The following ZDHHC2 variants were observed in gnomAD, a reference collection of about 807,000 sequenced individuals.
ZDHHC2 encodes zDHHC palmitoyltransferase 2.
In ZDHHC2, 51 loss-of-function variants were observed where a neutral mutation model predicts 55.6. The ratio of observed to expected loss-of-function variants is 0.92; its 90% CI spans 0.73 to 1.16. The LOEUF (loss-of-function observed/expected upper bound fraction) is 1.16. Ranked by LOEUF, ZDHHC2 falls within the 50% of genes most tolerant of loss-of-function variation. The pLI is 0.00. For synonymous variants in ZDHHC2, 199 were observed against 152.9 expected (o/e 1.30, Z -2.22); for missense variants, 491 against 442.4 (o/e 1.11, Z -0.99).
chr8:17,195,954 A>G (rs1806285909), intron 4 of ZDHHC2, among the ~76,000 whole-genome samples: 1 of 152,198 alleles, frequency 6.6e-6, no homozygotes, highest in African/African-American at 2.4e-5. Context: ...AGACTTTCCT[A>G]TTTATATTTA....
At position 17,178,550 on chromosome 8, in the gene ZDHHC2, T is replaced by C. The variant is rs114924702; in HGVS notation, c.131-6239T>C. On this transcript the variant is annotated intron_variant, in intron 1 of 12. Transcript: ENST00000262096. ...CTGTCTCAGCTACCTAACTCTGTCA[T>C]TGTAGCACATAAGTAGCCATGTAAG... is the stretch of plus-strand genomic sequence containing the variant. Among the ~76,000 whole-genome samples, 724 of 152,336 alleles carry C rather than the reference T, an allele frequency of 4.8e-3. 7 individuals carry two copies. Among genetic ancestry groups the C allele is most frequent in the African/African-American group, 0.016 (684 of 41,570 alleles).
At chr8:17,176,266 G>T (rs1805126244) in intron 1 of ZDHHC2, among the ~76,000 whole-genome samples, 1 of 152,162 alleles carries the variant, frequency 6.6e-6, no homozygotes, top group African/African-American at 2.4e-5. Flanking sequence ...GGACTGGCTT[G>T]TATGTTAACT....
In ZDHHC2 at chr8:17,198,381, A is replaced by G. The variant is rs377748901; in HGVS notation, c.444A>G (p.Lys148=). ...DRCHHCSVCD[K]CILKMDHHCP... ...TTTTGTGTTCTGCTTTGTTTTTTAG[A>G]TGTATTTTGAAGATGGATCATCATT... The change falls in exon 6 of 13, where the codon AAA becomes AAG. Residue 148 remains lysine, a splice_region_variant and synonymous_variant. Coordinates refer to ENST00000262096, the MANE Select transcript of ZDHHC2 (RefSeq NM_016353.5). The G allele has an allele frequency of 4.4e-6, 7 of 1,601,376 alleles. No homozygotes were observed. The highest frequency in any genetic ancestry group is 1.3e-5 in the African/African-American group (1 of 74,506).
intron 1 of ZDHHC2, chr8:17,162,770 G>C (rs1254052974): frequency 6.6e-6 from 1 of 152,338 alleles, no homozygotes; most frequent in East Asian, 1.9e-4. Context: ...TTCCACAGCA[G>C]AGTGGTAGGA....
chr8:17,186,490 AGAAC>A lies in ZDHHC2; in HGVS notation c.252+69_252+72del. The A allele has an allele frequency of 5.2e-6, 5 of 960,984 alleles. No homozygotes were observed. The South Asian group carries it at 1.1e-4, about 21-fold the overall frequency. The allele number at this position is 960,984 out of a possible 1,614,324, so 59.5% of individuals were successfully genotyped here. On this transcript the variant is annotated intron_variant, in intron 3 of 12. Coordinates refer to ENST00000262096, the MANE Select transcript of ZDHHC2 (RefSeq NM_016353.5). ...ATCAATAATACTGATGTATTATTGA[AGAAC>A]GAATTTTATTTTAATGTTGCAAACT... is the stretch of plus-strand genomic sequence containing the variant.
chr8:17,207,846 A>G (rs1807182337), intron 7 of ZDHHC2, 114 bp from the exon 8 acceptor site: 4 of 865,218 alleles, frequency 4.6e-6, no homozygotes, highest in Non-Finnish European at 6.1e-6. Context: ...ATTTTTTTAT[A>G]TTAAATTTAA....
rs562928998 is a variant in ZDHHC2, at chr8:17,182,913, A to G, written c.131-1876A>G. On this transcript the variant is annotated intron_variant, in intron 1 of 12. Transcript: ENST00000262096. ...GTAGCTGGGATTACAGGCGCGTGTC[A>G]CCACACCTGATTAATTTTCTGTATT... Among the ~76,000 whole-genome samples, 64 of 152,220 alleles carry G rather than the reference A, an allele frequency of 4.2e-4. 1 individual carries two copies. The South Asian group carries it at 0.013, about 30-fold the overall frequency.
At chr8:17,179,302 T>C (rs1205538175) in intron 1 of ZDHHC2, among the ~76,000 whole-genome samples, 1 of 152,186 alleles carries the variant, frequency 6.6e-6, no homozygotes, top group Non-Finnish European at 1.5e-5. Flanking sequence ...GGGGTGAGCG[T>C]AAAGCGCAGC....
chr8:17,161,287 G>A (rs1003053344), intron 1 of ZDHHC2, among the ~76,000 whole-genome samples: 3 of 152,096 alleles, frequency 2.0e-5, no homozygotes, highest in Admixed American at 2.0e-4. Context: ...ATTTTAAACT[G>A]TTGCTTTATA....
intron 3 of ZDHHC2, among the ~76,000 whole-genome samples, chr8:17,193,224 A>C (rs182174240): frequency 3.0e-4 from 46 of 152,310 alleles, no homozygotes; most frequent in Admixed American, 4.6e-4. Flanking sequence ...TTGTGATCTA[A>C]GCTGCATCTG....
At chr8:17,178,212 G>A (rs1805248486) in intron 1 of ZDHHC2, among the ~76,000 whole-genome samples, 1 of 152,022 alleles carries the variant, frequency 6.6e-6, no homozygotes. Context: ...ATACCATTTA[G>A]GACAGTAACA....
intron 3 of ZDHHC2, among the ~76,000 whole-genome samples, chr8:17,192,339 T>C (rs1806077345): frequency 6.6e-6 from 1 of 152,184 alleles, no homozygotes; most frequent in Non-Finnish European, 1.5e-5. Flanking sequence ...TGATAACTCA[T>C]TGTAGTTTTG....
chr8:17,199,255 T>C (rs1438304864), intron 6 of ZDHHC2, among the ~76,000 whole-genome samples: 2 of 152,166 alleles, frequency 1.3e-5, no homozygotes, highest in African/African-American at 2.4e-5. Context: ...CCAGTATACC[T>C]CTTTCTTTTC....
Position 17,176,786 on chromosome 8 carries a change from A to G in ZDHHC2, c.131-8003A>G, listed in dbSNP as rs73669026. Reference sequence around the variant, plus strand: ...GAAAGGCAGGCGTTTTGAGTTATCAATAAAATCACAATGACATATAAGGAC... The same window carrying G: ...GAAAGGCAGGCGTTTTGAGTTATCAGTAAAATCACAATGACATATAAGGAC... On this transcript the variant is annotated intron_variant, in intron 1 of 12. Transcript: ENST00000262096. Among the ~76,000 whole-genome samples, 1,469 of 152,282 alleles carry G rather than the reference A, an allele frequency of 9.6e-3. 19 individuals are homozygous for G. The highest frequency in any genetic ancestry group is 0.032 in the African/African-American group (1,336 of 41,566).
rs548467586 is a variant in ZDHHC2, at chr8:17,198,154, T to A, written c.444-227T>A. On this transcript the variant is annotated intron_variant, in intron 5 of 12. Transcript: ENST00000262096. ...TTTTTAGGAAATGAGTTGCTTTGCA[T>A]CTTAAGCATGTATATTTTGAATTCA... is the stretch of plus-strand genomic sequence containing the variant. Among the ~76,000 whole-genome samples, 5 of 152,306 alleles carry A rather than the reference T, an allele frequency of 3.3e-5. No individual in the cohort carries two copies. In the South Asian group the frequency reaches 1.0e-3, roughly 32 times the overall value.
chr8:17,212,938 C>T lies in ZDHHC2; in HGVS notation c.951-2299C>T, dbSNP rs143946221. Among the ~76,000 whole-genome samples, 22 of 152,240 alleles carry T rather than the reference C, an allele frequency of 1.4e-4. No individual in the cohort carries two copies. The East Asian group carries it at 4.3e-3, about 29-fold the overall frequency. ...AGTGCAGTTTTGTGATCATAGCTCA[C>T]TGCAGCCTCACACTCCTGGGCTCAA... is the stretch of plus-strand genomic sequence containing the variant. On this transcript the variant is annotated intron_variant, in intron 10 of 12. Transcript: ENST00000262096.
In ZDHHC2 at chr8:17,222,683, A is replaced by G. The variant is rs1807971390; in HGVS notation, c.*2462A>G. On this transcript the variant is annotated 3_prime_UTR_variant, in exon 13 of 13. Coordinates refer to ENST00000262096, the MANE Select transcript of ZDHHC2 (RefSeq NM_016353.5). ...GAATATAATCATGATGCATTCAATG[A>G]AGTTCATATCCATGAATTCACTCCT... The G allele has an allele frequency of 6.6e-6, 1 of 151,880 alleles. No individual in the cohort carries two copies. The highest frequency in any genetic ancestry group is 2.4e-5 in the African/African-American group (1 of 41,412). The allele number at this position is 151,880 out of a possible 1,614,324, so 9.4% of individuals were successfully genotyped here.
chr8:17,174,560 C>A (rs1472942055), intron 1 of ZDHHC2, among the ~76,000 whole-genome samples: 1 of 152,082 alleles, frequency 6.6e-6, no homozygotes, highest in Non-Finnish European at 1.5e-5. Context: ...TAGTGTTATG[C>A]AGAAGCTTTT....
chr8:17,204,429 C>G (rs1030246908), intron 6 of ZDHHC2, among the ~76,000 whole-genome samples: 2 of 152,180 alleles, frequency 1.3e-5, no homozygotes, highest in African/African-American at 4.8e-5. Flanking sequence ...TTAATAGGTT[C>G]GTTATACCGG....
Sources: allele counts gnomAD v4.1 joint callset (sites outside exome capture counted in the v4.1 genomes callset), GRCh38; gene constraint gnomAD v4.1.1; transcripts MANE v1.5; gene names NCBI Gene and HGNC (gene_info 2026-07-23, HGNC 2026-07-21).